Variants in TTLL3 observed in about 807,000 individuals in gnomAD.
TTLL3 encodes tubulin tyrosine ligase like 3, also known as tubulin monoglycylase TTLL3.
In TTLL3, 63 loss-of-function variants were observed where a neutral mutation model predicts 75.2. The observed-to-expected ratio is 0.84, with a 90% CI of 0.68 to 1.03. The LOEUF (loss-of-function observed/expected upper bound fraction) is 1.03, where lower values mean the gene tolerates loss of function less well. Among genes scored for constraint, TTLL3 ranks in the 50% least tolerant of loss-of-function variants. The pLI, the probability that TTLL3 is intolerant of heterozygous loss-of-function variation, is 0.00. For missense variants in TTLL3, 997 were observed against 1,069.9 expected (o/e 0.93, Z 0.95); for synonymous variants, 393 against 418.5 (o/e 0.94, Z 0.74).
In TTLL3 at chr3:9,823,463, T is replaced by A. The variant is rs149590158; in HGVS notation, c.855-2337T>A. ...AAGAACTAAGCCAGCCAGGTTTTCATCAGGCTGACTTTTCATTAAAATACT... is the reference window on the plus strand; with the variant it reads ...AAGAACTAAGCCAGCCAGGTTTTCAACAGGCTGACTTTTCATTAAAATACT... On this transcript the variant is annotated intron_variant, in intron 8 of 13. Transcript: ENST00000685419. Among the ~76,000 whole-genome samples, 1,117 of 142,186 alleles carry A rather than the reference T, an allele frequency of 7.9e-3. 14 individuals carry two copies. The highest frequency in any genetic ancestry group is 0.028 in the African/African-American group (1,062 of 38,278). The allele number at this position is 142,186 out of a possible 152,430, so 93.3% of individuals were successfully genotyped here. A position where few individuals can be genotyped will look rare whatever the true frequency, so the allele number is the denominator to read the frequency against.
rs1285296209 is a variant in TTLL3 at position 9,810,618 on chromosome 3, C to T, written c.-41-3C>T. On this transcript the variant is annotated splice_polypyrimidine_tract_variant and splice_region_variant and intron_variant, in intron 1 of 13. Coordinates refer to ENST00000685419, the MANE Select transcript of TTLL3 (RefSeq NM_001387446.1). This position sits in a 1 kb window ranked among gnomAD's most constrained non-coding sequence, Gnocchi z 4.4. ...CCCGCCCCTATTCCGCATCTTTCTG[C>T]AGGTTTCCCGGTCCTCTGGCGAGGA... 1.9e-6 allele frequency: 3 copies of T among 1,561,290 alleles called. No homozygotes were observed. Among genetic ancestry groups the T allele is most frequent in the Non-Finnish European group, 2.6e-6 (3 of 1,151,882 alleles).
At chr3:9,827,419 A>G in intron 10 of TTLL3, 179 bp downstream of exon 10, 2 of 1,186,566 alleles carry the variant, frequency 1.7e-6, no homozygotes, top group Non-Finnish European at 1.1e-6. Context: ...TTTTTAACAG[A>G]CAGGGGGCGG....
chr3:9,819,044 T>G, intron 7 of TTLL3, 124 bp downstream of exon 7: 1 of 1,253,540 alleles, frequency 8.0e-7, no homozygotes, highest in Non-Finnish European at 1.1e-6. Flanking sequence ...CACATCTGTG[T>G]ATGATTCACA....
intron 12 of TTLL3, 23 bp downstream of exon 12, chr3:9,833,268 C>T (rs1337169020): frequency 6.2e-7 from 1 of 1,612,758 alleles, no homozygotes; most frequent in African/African-American, 1.3e-5. Flanking sequence ...GGACCCCTAC[C>T]CACAGGTCAG....
At chr3:9,832,485 A>G (rs1221674217) in intron 11 of TTLL3, among the ~76,000 whole-genome samples, 3 of 152,198 alleles carry the variant, frequency 2.0e-5, no homozygotes, top group East Asian at 3.8e-4. Context: ...AACTGGCTCC[A>G]GGTTGCTAGC....
At chr3:9,818,605 T>C in intron 6 of TTLL3, 1 of 1,326,648 alleles carries the variant, frequency 7.5e-7, no homozygotes, top group Non-Finnish European at 9.8e-7. Flanking sequence ...CCTGACCTCA[T>C]GATCCATCCA....
Position 9,836,151 on chromosome 3 carries a change from T to G in TTLL3, c.*662T>G, listed in dbSNP as rs1374878834. The G allele has an allele frequency of 6.6e-6, 1 of 152,062 alleles. No individual in the cohort carries two copies. Among genetic ancestry groups the G allele is most frequent in the East Asian group, 1.9e-4 (1 of 5,166 alleles). The allele number at this position is 152,062 out of a possible 1,614,324, so 9.4% of individuals were successfully genotyped here. A position where few individuals can be genotyped will look rare whatever the true frequency, so the allele number is the denominator to read the frequency against. ...TGGTGAAACCGTTTCTACAGAAAATTAGCTGGGTGTGGTGGCACACACCTG... is the reference window on the plus strand; with the variant it reads ...TGGTGAAACCGTTTCTACAGAAAATGAGCTGGGTGTGGTGGCACACACCTG... On this transcript the variant is annotated 3_prime_UTR_variant, in exon 14 of 14. Coordinates refer to ENST00000685419, the MANE Select transcript of TTLL3 (RefSeq NM_001387446.1).
rs752162012 is a variant in TTLL3 at position 9,827,188 on chromosome 3, G to T, written c.1195G>T (p.Asp399Tyr). ...WNPLTVWFYR[D>Y]SYIRFSTQPF... ...CCCACTTACCGTGTGGTTCTACCGC[G>T]ACAGCTATATCCGCTTTTCCACGCA... The change falls in exon 10 of 14, where the codon GAC (aspartate) becomes TAC (tyrosine). Residue 399 changes from aspartate (D) to tyrosine (Y), a missense_variant. By Grantham distance (160) the Asp-to-Tyr change is radical. Coordinates refer to ENST00000685419, the MANE Select transcript of TTLL3 (RefSeq NM_001387446.1). 6.2e-7 allele frequency: 1 copy of T among 1,614,228 alleles called. No individual in the cohort carries two copies. Among genetic ancestry groups the T allele is most frequent in the East Asian group, 2.2e-5 (1 of 44,888 alleles).
chr3:9,829,322 C>CAAGCTGG lies in TTLL3; in HGVS notation c.1610_1611insAAGCTGG (p.Leu538SerfsTer8). The CAAGCTGG allele has an allele frequency of 1.9e-6, 3 of 1,613,496 alleles. No homozygotes were observed. The highest frequency in any genetic ancestry group is 2.5e-6 in the Non-Finnish European group (3 of 1,179,664). On this transcript the variant is annotated frameshift_variant, in exon 11 of 14. Coordinates refer to ENST00000685419, the MANE Select transcript of TTLL3 (RefSeq NM_001387446.1). LOFTEE classifies it high-confidence loss of function. ...CTCTGTGCTGGCGTGCAAGCTGACA[C>CAAGCTGG]CCTGCGCGTGGTCATTGACCGGATG... is the stretch of plus-strand genomic sequence containing the variant.
Position 9,827,256 on chromosome 3 carries a change from C to T in TTLL3, c.1247+16C>T, listed in dbSNP as rs577412203. The T allele has an allele frequency of 3.4e-5, 55 of 1,610,992 alleles. 1 individual carries two copies. In the East Asian group the frequency reaches 1.0e-3, roughly 30 times the overall value. On this transcript the variant is annotated intron_variant, in intron 10 of 13. Coordinates refer to ENST00000685419, the MANE Select transcript of TTLL3 (RefSeq NM_001387446.1). ...ACCTGGACAAGTGAGCCCCTCTGCT[C>T]GCCTCCCACGAGCTCCCTGCCTAGT... is the stretch of plus-strand genomic sequence containing the variant.
In TTLL3 at chr3:9,810,476, G is replaced by C; in HGVS notation, c.-42+82G>C. The C allele has an allele frequency of 6.9e-7, 1 of 1,443,296 alleles. No individual in the cohort carries two copies. The highest frequency in any genetic ancestry group is 9.1e-7 in the Non-Finnish European group (1 of 1,100,192). 89.4% of individuals were successfully genotyped at this position (1,443,296 alleles called of 1,614,324 possible). ...CGCTGGGGTGGAGGGACTGGGGGTC[G>C]GGAGAAGAGCGGCTGAGGGTGGGCA... On this transcript the variant is annotated intron_variant, in intron 1 of 13. Transcript: ENST00000685419. The surrounding 1 kb of genome is among the most constrained non-coding windows in gnomAD (Gnocchi z 4.4).
intron 4 of TTLL3, among the ~76,000 whole-genome samples, chr3:9,814,321 G>A (rs962291672): frequency 2.0e-5 from 3 of 150,360 alleles, no homozygotes; most frequent in African/African-American, 4.9e-5. Context: ...GGGTGACAGA[G>A]CGAGACTCCG....
chr3:9,810,014 G>T, upstream of TTLL3: 1 of 1,312,178 alleles, frequency 7.6e-7, no homozygotes, highest in Non-Finnish European at 9.7e-7. The surrounding 1 kb of genome is among the most constrained non-coding windows in gnomAD (Gnocchi z 4.4). Context: ...CGCATGCAGG[G>T]CCCCGACGCG....
At chr3:9,821,549 G>A (rs6773564) in intron 8 of TTLL3, among the ~76,000 whole-genome samples, 88,708 of 152,032 alleles carry the variant, frequency 0.58, 27,020 homozygotes, top group Non-Finnish European at 0.66. Context: ...TAATTACTCA[G>A]TAGGGGAAAC....
rs1461730824 is a variant in TTLL3, at chr3:9,820,693, C to T, written c.806C>T (p.Thr269Ile). 1.9e-6 allele frequency: 3 copies of T among 1,614,174 alleles called. No homozygotes were observed. Among genetic ancestry groups the T allele is most frequent in the African/African-American group, 1.3e-5 (1 of 75,038 alleles). ...DKDLEAPLYL[T>I]PEGWSLFLQR... ...GACCTGGAGGCCCCGCTGTACCTCA[C>T]CCCCGAGGGCTGGTCCCTCTTCCTC... The change falls in exon 8 of 14, where the codon ACC (threonine) becomes ATC (isoleucine). Residue 269 changes from threonine to isoleucine, a missense_variant. Transcript: ENST00000685419.
intron 11 of TTLL3, among the ~76,000 whole-genome samples, chr3:9,831,261 G>A (rs1169796003): frequency 3.9e-5 from 6 of 152,166 alleles, no homozygotes. Context: ...GGCCAGGCGG[G>A]TTGTTTTGTA....
At position 9,835,725 on chromosome 3, in the gene TTLL3, C is replaced by A. The variant is rs1024658072; in HGVS notation, c.*236C>A. 2.0e-6 allele frequency: 1 copy of A among 497,922 alleles called. No homozygotes were observed. Among genetic ancestry groups the A allele is most frequent in the Non-Finnish European group, 3.5e-6 (1 of 285,004 alleles). The allele number at this position is 497,922 out of a possible 1,614,324, so 30.8% of individuals were successfully genotyped here. ...AGAACTGCCGAGCACTGGGAGCCCCCCAACCCCAGAGAACAAGCCAAGCTA... is the reference window on the plus strand; with the variant it reads ...AGAACTGCCGAGCACTGGGAGCCCCACAACCCCAGAGAACAAGCCAAGCTA... On this transcript the variant is annotated 3_prime_UTR_variant, in exon 14 of 14. Coordinates refer to ENST00000685419, the MANE Select transcript of TTLL3 (RefSeq NM_001387446.1).
At chr3:9,824,887 C>T (rs977418340) in intron 8 of TTLL3, among the ~76,000 whole-genome samples, 3 of 151,874 alleles carry the variant, frequency 2.0e-5, no homozygotes, top group African/African-American at 4.8e-5. Flanking sequence ...ATTACAGGCA[C>T]CTGCCACCAT....
rs775465257 is a variant in TTLL3 at position 9,817,815 on chromosome 3, GC to G, written c.559+57del. ...CTCAGGCTGACAGAGCAGGGCTGAA[GC>G]TCTGGCTCATATTGGAGAGAAACAG... is the stretch of plus-strand genomic sequence containing the variant. On this transcript the variant is annotated intron_variant, in intron 6 of 13. Coordinates refer to ENST00000685419, the MANE Select transcript of TTLL3 (RefSeq NM_001387446.1). 7.5e-6 allele frequency: 12 copies of G among 1,608,920 alleles called. No individual in the cohort carries two copies. The East Asian group carries it at 2.7e-4, about 36-fold the overall frequency.
Sources: gnomAD v4.1 joint callset for allele counts (sites outside exome capture counted in the v4.1 genomes callset) on GRCh38, gnomAD v4.1.1 for gene constraint, Gnocchi (gnomAD v3.1) non-coding constraint, MANE v1.5 for transcripts, NCBI Gene and HGNC (gene_info 2026-07-23, HGNC 2026-07-21) for gene names.